Variants in MICALL2 observed in about 807,000 individuals in gnomAD.
MICALL2 encodes the protein MICAL like 2, also known as MICAL-like protein 2.
MICALL2 carries 111 observed loss-of-function variants against 91.1 expected under a neutral mutation model. The observed-to-expected ratio is 1.22, with a 90% CI of 1.04 to 1.43. MICALL2 has a LOEUF of 1.43. MICALL2 is among the 40% of genes most tolerant of loss of function. The probability of loss-of-function intolerance (pLI) is 0.00; values close to 1 mark genes in which losing one functional copy is unlikely to be tolerated. For missense variants in MICALL2, 1,556 were observed against 1,236.0 expected, an observed-to-expected ratio of 1.26 and a Z score of -3.88; for synonymous variants, 694 against 525.3, an observed-to-expected ratio of 1.32 and a Z score of -4.39.
In MICALL2 at chr7:1,434,365, G is replaced by C; in HGVS notation, c.*231C>G. On this transcript the variant is annotated 3_prime_UTR_variant, in exon 17 of 17. Transcript: ENST00000297508. ...ACACGGAGGCACGTAGGAGTCCGGG[G>C]CCATGTGGTCGGTTTCTTTATTGAG... 1.5e-6 allele frequency: 1 copy of C among 655,322 alleles called. No homozygotes were observed. Among genetic ancestry groups the C allele is most frequent in the Middle Eastern group, 2.4e-4 (1 of 4,138 alleles). 40.6% of individuals were successfully genotyped at this position (655,322 alleles called of 1,614,324 possible).
intron 8 of MICALL2, 88 bp downstream of exon 8, chr7:1,440,493 CCCTGGATAGG>C: frequency 1.8e-6 from 2 of 1,094,578 alleles, no homozygotes; most frequent in Admixed American, 1.8e-5. Flanking sequence ...GTGCGTCTAT[CCCTGGATAGG>C]CGTGTCAATC....
rs116504443 is a variant in MICALL2, at chr7:1,448,869, G to A, written c.193-108C>T. 2.2e-4 allele frequency: 301 copies of A among 1,366,018 alleles called. No individual in the cohort carries two copies. In the African/African-American group the frequency reaches 3.6e-3, roughly 16 times the overall value. 84.6% of individuals were successfully genotyped at this position (1,366,018 alleles called of 1,614,324 possible). A position where few individuals can be genotyped will look rare whatever the true frequency, so the allele number is the denominator to read the frequency against. The stretch of plus-strand genomic sequence containing the variant: ...ACACAGTCTTGGAGCCCAAAGAGGC[G>A]TGGGTTGGAGGCCGGAGCTGAGTTC... On this transcript the variant is annotated intron_variant, in intron 2 of 16. Coordinates refer to ENST00000297508, the MANE Select transcript of MICALL2 (RefSeq NM_182924.4).
At position 1,448,734 on chromosome 7, in the gene MICALL2, C is replaced by T. The variant is rs1006772354; in HGVS notation, c.220G>A (p.Gly74Ser). Residue 74 changes from glycine (G) to serine (S), a missense_variant, in exon 3 of 17, where the codon GGC (glycine) becomes AGC (serine). Transcript: ENST00000297508. ...LAFRVAEEHL[G>S]IPALLDAEDM... The stretch of plus-strand genomic sequence containing the variant: ...TCGGCATCCAGCAAGGCTGGGATGC[C>T]CAAGTGCTCCTCGGCCACGCGGAAG... 8 of 1,612,714 alleles carry T rather than the reference C, an allele frequency of 5.0e-6. No individual in the cohort carries two copies. Among genetic ancestry groups the T allele is most frequent in the Non-Finnish European group, 6.8e-6 (8 of 1,179,916 alleles).
chr7:1,457,763 G>A (rs1213810620), intron 1 of MICALL2, among the ~76,000 whole-genome samples: 1 of 152,256 alleles, frequency 6.6e-6, no homozygotes, highest in Admixed American at 6.5e-5. Flanking sequence ...AGCAGCCGGT[G>A]GCAACGCCTC....
intron 7 of MICALL2, 32 bp downstream of exon 7, chr7:1,442,160 C>T (rs748517910): frequency 4.2e-5 from 67 of 1,606,606 alleles, no homozygotes; most frequent in Non-Finnish European, 4.8e-5. Flanking sequence ...TGCGGGCCCC[C>T]GGGGCCTCCT....
chr7:1,448,781 G>T lies in MICALL2; in HGVS notation c.193-20C>A, dbSNP rs1350532632. On this transcript the variant is annotated intron_variant, in intron 2 of 16. Transcript: ENST00000297508. The stretch of plus-strand genomic sequence containing the variant: ...GAAGGCCTGCGAAAGGTGGGAGGGG[G>T]TCAGCGGGGCAGCTGGGAGCCCCCT... The T allele has an allele frequency of 6.2e-7, 1 of 1,611,268 alleles. No homozygotes were observed. The highest frequency in any genetic ancestry group is 1.1e-5 in the South Asian group (1 of 90,984).
At chr7:1,456,989 G>A (rs963451092) in intron 1 of MICALL2, among the ~76,000 whole-genome samples, 6 of 152,132 alleles carry the variant, frequency 3.9e-5, no homozygotes, top group African/African-American at 7.2e-5. Context: ...GTTTTCTCAC[G>A]GCTCTGGAGG....
chr7:1,434,509 T>C lies in MICALL2; in HGVS notation c.*87A>G. Reference sequence around the variant, plus strand: ...CCGAGCCCACGGCCCCGAGTACAAGTCCGGGTTCCGGGTCCGGGCCAAGCC... The same window carrying C: ...CCGAGCCCACGGCCCCGAGTACAAGCCCGGGTTCCGGGTCCGGGCCAAGCC... On this transcript the variant is annotated 3_prime_UTR_variant, in exon 17 of 17. Coordinates refer to ENST00000297508, the MANE Select transcript of MICALL2 (RefSeq NM_182924.4). 1 of 1,223,476 alleles carries C rather than the reference T, an allele frequency of 8.2e-7. No homozygotes were observed. Among genetic ancestry groups the C allele is most frequent in the East Asian group, 2.3e-5 (1 of 42,886 alleles). The allele number at this position is 1,223,476 out of a possible 1,614,324, so 75.8% of individuals were successfully genotyped here.
chr7:1,447,298 TC>T (rs1286635531), intron 4 of MICALL2, among the ~76,000 whole-genome samples: 1 of 152,076 alleles, frequency 6.6e-6, no homozygotes, highest in Non-Finnish European at 1.5e-5. Flanking sequence ...AACCCTTCTC[TC>T]CCCGGGAGAG....
intron 3 of MICALL2, 120 bp from the exon 4 acceptor site, chr7:1,447,885 G>A (rs368468741): frequency 2.6e-6 from 2 of 772,260 alleles, no homozygotes; most frequent in Admixed American, 3.7e-5. Context: ...TGGGGGCCCA[G>A]GGCTGGGGAG....
chr7:1,443,766 G>A (rs535663655), intron 6 of MICALL2, among the ~76,000 whole-genome samples: 1 of 152,306 alleles, frequency 6.6e-6, no homozygotes, highest in East Asian at 1.9e-4. Flanking sequence ...TGCCCTGCAA[G>A]GGGACGCGGC....
Position 1,439,808 on chromosome 7 carries a change from G to T in MICALL2, c.1966+117C>A, listed in dbSNP as rs28718334. ...GGACTACCAGCTTCTCTGGCTGACC[G>T]GAGCGCCTCTCCGCACACCCCAGGA... On this transcript the variant is annotated intron_variant, in intron 9 of 16. Transcript: ENST00000297508. 4.9e-6 allele frequency: 4 copies of T among 822,408 alleles called. No homozygotes were observed. The South Asian group carries it at 1.2e-4, about 26-fold the overall frequency. The allele number at this position is 822,408 out of a possible 1,614,324, so 50.9% of individuals were successfully genotyped here.
At chr7:1,440,504 C>G in intron 8 of MICALL2, 87 bp downstream of exon 8, 1 of 1,183,506 alleles carries the variant, frequency 8.4e-7, no homozygotes, top group Non-Finnish European at 1.2e-6. Context: ...CCTGGATAGG[C>G]GTGTCAATCG....
In MICALL2 at chr7:1,445,351, C is replaced by T; in HGVS notation, c.719G>A (p.Ser240Asn). 2 of 1,598,926 alleles carry T rather than the reference C, an allele frequency of 1.3e-6. No individual in the cohort carries two copies. Among genetic ancestry groups the T allele is most frequent in the Middle Eastern group, 1.7e-4 (1 of 6,018 alleles). The change falls in exon 6 of 17, where the codon AGC becomes AAC. Residue 240 changes from serine to asparagine, a missense_variant. Physicochemically the swap from Ser to Asn is conservative, Grantham distance 46 (BLOSUM62 1). Coordinates refer to ENST00000297508, the MANE Select transcript of MICALL2 (RefSeq NM_182924.4). ...TGEPGTFVCT[S>N]HLPAAASASP... The stretch of plus-strand genomic sequence containing the variant: ...TGCAGAGGCGGCTGCGGGGAGGTGG[C>T]TGGTGCAGACGAAGGTGCCCGGCTC...
rs747102559 is a variant in MICALL2 at position 1,444,726 on chromosome 7, G to A, written c.1344C>T (p.Ser448=). The A allele has an allele frequency of 2.3e-5, 37 of 1,612,352 alleles. No homozygotes were observed. The highest frequency in any genetic ancestry group is 3.0e-5 in the Non-Finnish European group (35 of 1,179,876). The change falls in exon 6 of 17, where the codon AGC becomes AGT. Residue 448 remains serine, a synonymous_variant. Transcript: ENST00000297508. ...TPSLVLSKDS[S]KEQARNFLKQ... ...TGAGGAAGTTCCGCGCCTGCTCCTT[G>A]CTGCTGTCCTTGGATAGAACAAGTG... is the stretch of plus-strand genomic sequence containing the variant.
At chr7:1,436,043 A>G (rs1165906831) in intron 15 of MICALL2, among the ~76,000 whole-genome samples, 1 of 147,874 alleles carries the variant, frequency 6.8e-6, no homozygotes, top group African/African-American at 2.6e-5. Flanking sequence ...ACAGAGCAAG[A>G]CTCTGTCTCA....
intron 15 of MICALL2, among the ~76,000 whole-genome samples, chr7:1,435,472 A>G (rs1293865353): frequency 6.6e-6 from 1 of 150,416 alleles, no homozygotes; most frequent in Non-Finnish European, 1.5e-5. Context: ...GCCTGGGCCG[A>G]CCACACCGGT....
In MICALL2 at chr7:1,442,207, T is replaced by C. The variant is rs1780319497; in HGVS notation, c.1696A>G (p.Thr566Ala). ...CCTTACTCACCCTGCGTTAAGGTGG[T>C]GCTTTTACCCTTTGCCATCGGGGCC... is the stretch of plus-strand genomic sequence containing the variant. ...PEAPMAKGKS[T>A]TLTQDMSTSL... The change falls in exon 7 of 17, where the codon ACC becomes GCC. Residue 566 changes from threonine (T) to alanine (A), a missense_variant. Coordinates refer to ENST00000297508, the MANE Select transcript of MICALL2 (RefSeq NM_182924.4). The C allele has an allele frequency of 6.8e-6, 11 of 1,612,604 alleles. No individual in the cohort carries two copies. Among genetic ancestry groups the C allele is most frequent in the East Asian group, 4.5e-5 (2 of 44,874 alleles).
intron 7 of MICALL2, 112 bp downstream of exon 7, chr7:1,442,080 A>C (rs1443025302): frequency 8.2e-7 from 1 of 1,214,134 alleles, no homozygotes; most frequent in Non-Finnish European, 1.2e-6. Flanking sequence ...TGAGACGGAG[A>C]GGAAGGCGGG....
Sources: gnomAD v4.1 joint callset for allele counts (sites outside exome capture counted in the v4.1 genomes callset) on GRCh38, gnomAD v4.1.1 for gene constraint, MANE v1.5 for transcripts, NCBI Gene and HGNC (gene_info 2026-07-23, HGNC 2026-07-21) for gene names.